The following ADAMTSL1 variants were observed in gnomAD, a reference collection of about 807,000 sequenced individuals.
The protein encoded by ADAMTSL1 is ADAMTS-like protein 1.
A neutral mutation model predicts 201.8 loss-of-function variants in ADAMTSL1; 126 were observed. The observed-to-expected ratio is 0.62, with a 90% CI of 0.54 to 0.72. The LOEUF is 0.72. Among genes scored for constraint, ADAMTSL1 ranks in the 30% least tolerant of loss-of-function variants. ADAMTSL1 has a pLI of 0.00. For synonymous variants in ADAMTSL1, 1,121 were observed against 903.4 expected (o/e 1.24, Z -4.32); for missense variants, 2,679 against 2,277.8 (o/e 1.18, Z -3.59).
chr9:18,890,897 G>A, intron 25 of ADAMTSL1: 1 of 264,490 alleles, frequency 3.8e-6, no homozygotes, highest in South Asian at 4.0e-5. Context: ...GACTTGATTT[G>A]GTGATGGTCA....
At chr9:18,523,331 G>T (rs181189421) in intron 2 of ADAMTSL1, among the ~76,000 whole-genome samples, 1 of 151,958 alleles carries the variant, frequency 6.6e-6, no homozygotes, top group Non-Finnish European at 1.5e-5. Context: ...TTTTTAGATT[G>T]TGGATATTAG....
intron 4 of ADAMTSL1, among the ~76,000 whole-genome samples, chr9:18,604,760 G>A (rs1305823710): frequency 1.3e-5 from 2 of 152,174 alleles, no homozygotes; most frequent in African/African-American, 2.4e-5. Flanking sequence ...TGCAATTCTT[G>A]TAGGTAGATA....
chr9:18,256,250 A>G (rs1186661651), intron 2 of ADAMTSL1, among the ~76,000 whole-genome samples: 1 of 152,182 alleles, frequency 6.6e-6, no homozygotes, highest in African/African-American at 2.4e-5. Flanking sequence ...ATCAAAGGCA[A>G]AGGGCATCGT....
At chr9:18,729,267 A>G (rs1272477533) in intron 15 of ADAMTSL1, among the ~76,000 whole-genome samples, 3 of 152,194 alleles carry the variant, frequency 2.0e-5, no homozygotes, top group African/African-American at 4.8e-5. Flanking sequence ...CTTTGAAGGT[A>G]ATGATAATTA....
intron 2 of ADAMTSL1, among the ~76,000 whole-genome samples, chr9:18,247,457 C>T (rs1053682582): frequency 1.6e-4 from 24 of 152,114 alleles, no homozygotes; most frequent in African/African-American, 5.6e-4. Context: ...AAAGTTCTCT[C>T]TCTTGTGGAG....
intron 1 of ADAMTSL1, among the ~76,000 whole-genome samples, chr9:18,135,092 T>C (rs547839868): frequency 6.6e-6 from 1 of 152,308 alleles, no homozygotes; most frequent in East Asian, 1.9e-4. Context: ...ACAATCTATC[T>C]CTGTTTCTTA....
intron 1 of ADAMTSL1, among the ~76,000 whole-genome samples, chr9:18,020,840 G>C (rs573824030): frequency 1.3e-4 from 20 of 152,240 alleles, no homozygotes; most frequent in Non-Finnish European, 2.2e-4. Context: ...TGGCCAAGGA[G>C]TGAGCAAAGC....
intron 1 of ADAMTSL1, among the ~76,000 whole-genome samples, chr9:18,481,005 GA>G (rs1249915082): frequency 1.3e-5 from 2 of 152,090 alleles, no homozygotes; most frequent in East Asian, 3.9e-4. Context: ...GATCCAAGGG[GA>G]AGGCGAATAT....
At chr9:17,943,849 G>T (rs1418329373) in intron 1 of ADAMTSL1, among the ~76,000 whole-genome samples, 1 of 152,022 alleles carries the variant, frequency 6.6e-6, no homozygotes, top group Non-Finnish European at 1.5e-5. Context: ...CAGCCATCTG[G>T]TTGGCTTCTG....
At chr9:18,601,805 G>A (rs1824677046) in intron 4 of ADAMTSL1, among the ~76,000 whole-genome samples, 1 of 151,078 alleles carries the variant, frequency 6.6e-6, no homozygotes, top group Admixed American at 6.6e-5. Context: ...ATGTAATGTA[G>A]CATATCTATA....
At chr9:18,503,606 T>A (rs1046709279) in intron 1 of ADAMTSL1, among the ~76,000 whole-genome samples, 1 of 151,804 alleles carries the variant, frequency 6.6e-6, no homozygotes, top group Non-Finnish European at 1.5e-5. Context: ...CTAAAGCATA[T>A]GAGATTGTGT....
intron 9 of ADAMTSL1, among the ~76,000 whole-genome samples, chr9:18,669,897 C>G (rs116364104): frequency 3.7e-4 from 57 of 152,248 alleles, no homozygotes; most frequent in African/African-American, 1.4e-3. Context: ...AAGAAAGTAG[C>G]AGAGAGGAGT....
chr9:18,633,638 C>CT (rs58807960), intron 5 of ADAMTSL1, among the ~76,000 whole-genome samples: 4,447 of 123,712 alleles, frequency 0.036, 161 homozygotes, highest in African/African-American at 0.087. Flanking sequence ...CTAATCTTAA[C>CT]TTTTTTTTTT....
At chr9:17,933,965 TTC>T (rs1237189004) in intron 1 of ADAMTSL1, among the ~76,000 whole-genome samples, 7 of 152,192 alleles carry the variant, frequency 4.6e-5, no homozygotes, top group African/African-American at 1.7e-4. Flanking sequence ...TTCAAATCAC[TTC>T]TGTTTTAATA....
At chr9:18,116,687 TC>T (rs772227635) in intron 1 of ADAMTSL1, among the ~76,000 whole-genome samples, 2 of 152,210 alleles carry the variant, frequency 1.3e-5, no homozygotes, top group Non-Finnish European at 2.9e-5. Context: ...ATTTTCTTTT[TC>T]TTTTTTTATG....
chr9:18,072,847 T>C (rs1031110515), intron 1 of ADAMTSL1, among the ~76,000 whole-genome samples: 1 of 152,178 alleles, frequency 6.6e-6, no homozygotes, highest in Non-Finnish European at 1.5e-5. Flanking sequence ...GAATTAGGCT[T>C]AGATAATATC....
chr9:18,353,569 T>C (rs920325236), intron 2 of ADAMTSL1, among the ~76,000 whole-genome samples: 5 of 152,186 alleles, frequency 3.3e-5, no homozygotes, highest in African/African-American at 1.2e-4. Flanking sequence ...AATTCAAATA[T>C]TTTATGGGTT....
intron 23 of ADAMTSL1, among the ~76,000 whole-genome samples, chr9:18,875,358 GCT>G (rs1828086344): frequency 1.3e-5 from 2 of 151,968 alleles, no homozygotes; most frequent in South Asian, 4.2e-4. Context: ...GTCTATTTGT[GCT>G]CTTTCAGACT....
chr9:18,311,939 T>C (rs1178769470), intron 2 of ADAMTSL1, among the ~76,000 whole-genome samples: 2 of 152,182 alleles, frequency 1.3e-5, no homozygotes, highest in African/African-American at 4.8e-5. Context: ...GGACAGCATG[T>C]GGAAAGGCAC....
Sources: gnomAD v4.1 joint callset for allele counts (sites outside exome capture counted in the v4.1 genomes callset) on GRCh38, gnomAD v4.1.1 for gene constraint, MANE v1.5 for transcripts, NCBI Gene and HGNC (gene_info 2026-07-23, HGNC 2026-07-21) for gene names.